UFL1: variants seen among roughly 807,000 people sequenced by gnomAD.
UFL1 encodes UFM1 specific ligase 1, also known as E3 UFM1-protein ligase 1.
In UFL1, 78 loss-of-function variants were observed where a neutral mutation model predicts 99.3. The ratio of observed to expected loss-of-function variants is 0.79; its 90% confidence interval spans 0.65 to 0.95. The LOEUF is 0.95. Among genes scored for constraint, UFL1 ranks in the 40% least tolerant of loss-of-function variants. The pLI is 0.00. For missense variants in UFL1, 936 were observed against 937.0 expected, an observed-to-expected ratio of 1.00 and a Z score of 0.01; for synonymous variants, 335 against 322.2, an observed-to-expected ratio of 1.04 and a Z score of -0.42.
intron 2 of UFL1, 94 bp from the exon 3 acceptor site, chr6:96,524,288 G>T: frequency 8.6e-7 from 1 of 1,162,490 alleles, no homozygotes. Context: ...TTCTATGCAG[G>T]ACTTTGACCA....
Position 96,521,844 on chromosome 6 carries a change from T to C in UFL1, c.-30T>C. The stretch of plus-strand genomic sequence containing the variant: ...GCCTGTCGGCTGACGTGTCTGCAGT[T>C]CCTCCGCGTCTACTGCGAGTCAGGC... On this transcript the variant is annotated 5_prime_UTR_variant, in exon 1 of 19. Coordinates refer to ENST00000369278, the MANE Select transcript of UFL1 (RefSeq NM_015323.5). 6.2e-7 allele frequency: 1 copy of C among 1,602,826 alleles called. No individual in the cohort carries two copies. The highest frequency in any genetic ancestry group is 8.5e-7 in the Non-Finnish European group (1 of 1,175,498).
At chr6:96,538,867 T>C in intron 10 of UFL1, 57 bp downstream of exon 10, 1 of 1,430,718 alleles carries the variant, frequency 7.0e-7, no homozygotes, top group Non-Finnish European at 9.4e-7. Flanking sequence ...TTTAGAATCA[T>C]CTGATGTCTT....
At chr6:96,522,026 C>T in intron 1 of UFL1, 76 bp downstream of exon 1, 4 of 1,485,116 alleles carry the variant, frequency 2.7e-6, no homozygotes, top group Non-Finnish European at 2.7e-6. Flanking sequence ...GGACTTTAGA[C>T]CCGCGGCCCT....
intron 11 of UFL1, among the ~76,000 whole-genome samples, chr6:96,541,804 ATTGT>A (rs1399928231): frequency 2.0e-5 from 3 of 151,248 alleles, no homozygotes; most frequent in African/African-American, 7.3e-5. Flanking sequence ...TTGTATTATA[ATTGT>A]TTAATTACAG....
intron 6 of UFL1, among the ~76,000 whole-genome samples, chr6:96,529,336 A>T (rs962747693): frequency 2.6e-5 from 4 of 152,116 alleles, no homozygotes; most frequent in Non-Finnish European, 4.4e-5. Flanking sequence ...GAACCCCTTT[A>T]TTCTATATCA....
At position 96,549,567 on chromosome 6, in the gene UFL1, A is replaced by C. The variant is rs1016757067; in HGVS notation, c.1676A>C (p.Lys559Thr). ...ATTAGGTTATTTGAAAAAGGGATGA[A>C]GTTTTTTGCAGGTATACTTAATCTT... ...NNIRLFEKGMKFFADDTQAAL... is the reference protein window; with the variant it reads ...NNIRLFEKGMTFFADDTQAAL... The change falls in exon 14 of 19, where the codon AAG becomes ACG. Residue 559 changes from lysine (K) to threonine (T), a missense_variant. Lys to Thr is a moderately conservative substitution (Grantham distance 78). Transcript: ENST00000369278. 3.1e-6 allele frequency: 5 copies of C among 1,594,974 alleles called. No individual in the cohort carries two copies. Among genetic ancestry groups the C allele is most frequent in the Non-Finnish European group, 4.3e-6 (5 of 1,172,908 alleles).
intron 12 of UFL1, among the ~76,000 whole-genome samples, chr6:96,544,485 C>T (rs1001186293): frequency 6.6e-6 from 1 of 150,692 alleles, no homozygotes; most frequent in Admixed American, 6.6e-5. Context: ...CGGGCTATAG[C>T]TGGAAGATGT....
intron 1 of UFL1, among the ~76,000 whole-genome samples, chr6:96,522,155 AG>A (rs1769623327): frequency 6.6e-6 from 1 of 152,050 alleles, no homozygotes; most frequent in Non-Finnish European, 1.5e-5. Context: ...GACGCCCTGG[AG>A]CCCCCCAGCC....
intron 6 of UFL1, among the ~76,000 whole-genome samples, chr6:96,529,968 A>T (rs1489744916): frequency 6.6e-6 from 1 of 152,130 alleles, no homozygotes; most frequent in Non-Finnish European, 1.5e-5. Context: ...TGTATTTCCT[A>T]TAGAAAGGGG....
At chr6:96,533,377 T>C (rs1769809760) in intron 6 of UFL1, among the ~76,000 whole-genome samples, 2 of 152,024 alleles carry the variant, frequency 1.3e-5, no homozygotes, top group South Asian at 4.1e-4. Flanking sequence ...GATGAGTATA[T>C]AAACAAAATG....
In UFL1 at chr6:96,525,319, A is replaced by G. The variant is rs1582436472; in HGVS notation, c.275A>G (p.His92Arg). The G allele has an allele frequency of 1.3e-5, 21 of 1,608,228 alleles. No individual in the cohort carries two copies. The highest frequency in any genetic ancestry group is 5.1e-5 in the Admixed American group (3 of 59,058). The change falls in exon 4 of 19, where the codon CAT becomes CGT. Residue 92 changes from histidine (H) to arginine (R), a missense_variant. His to Arg is a conservative substitution (Grantham distance 29). Transcript: ENST00000369278. The part of the protein sequence containing the change: ...LQQVINVDLI[H>R]IENRIGDIIK... ...CAGGTAATTAATGTGGACCTGATTC[A>G]TATTGAAAATAGAATTGGTGACATT...
At chr6:96,538,583 GTATTA>G in intron 9 of UFL1, 43 bp from the exon 10 acceptor site, 1 of 1,561,354 alleles carries the variant, frequency 6.4e-7, no homozygotes, top group Middle Eastern at 1.9e-4. Flanking sequence ...TGGTTTCACT[GTATTA>G]TATTGCATTT....
In UFL1 at chr6:96,521,887, G is replaced by A; in HGVS notation, c.14G>A (p.Trp5Ter). The stretch of plus-strand genomic sequence containing the variant: ...AGTCAGGCCGTGATGGCGGACGCCT[G>A]GGAAGAGATTAGGCGGTTGGCGGCC... The part of the protein sequence containing the change: MADA[W>*]EEIRRLAADF... Residue 5 changes from tryptophan to a stop codon, truncating the protein, a stop_gained, in exon 1 of 19, where the codon TGG becomes TAG. Coordinates refer to ENST00000369278, the MANE Select transcript of UFL1 (RefSeq NM_015323.5). LOFTEE classifies it high-confidence loss of function. The A allele has an allele frequency of 6.2e-7, 1 of 1,612,602 alleles. No homozygotes were observed. The highest frequency in any genetic ancestry group is 8.5e-7 in the Non-Finnish European group (1 of 1,179,620).
At chr6:96,550,700 A>G (rs530253539) in intron 15 of UFL1, among the ~76,000 whole-genome samples, 2 of 152,056 alleles carry the variant, frequency 1.3e-5, no homozygotes, top group Non-Finnish European at 2.9e-5. Flanking sequence ...GCAAATCCCC[A>G]GTTGTCTAGA....
At chr6:96,526,115 T>C (rs1769697809) in intron 4 of UFL1, among the ~76,000 whole-genome samples, 1 of 150,118 alleles carries the variant, frequency 6.7e-6, no homozygotes, top group Non-Finnish European at 1.5e-5. Context: ...AAAAAGAAAA[T>C]GTATTGTTTG....
At chr6:96,542,578 A>G (rs1362052103) in intron 11 of UFL1, among the ~76,000 whole-genome samples, 1 of 151,254 alleles carries the variant, frequency 6.6e-6, no homozygotes, top group Admixed American at 6.6e-5. Context: ...AGGTGAAGGA[A>G]TGGATTTTTG....
At chr6:96,531,479 C>A (rs1367363879) in intron 6 of UFL1, among the ~76,000 whole-genome samples, 1 of 152,068 alleles carries the variant, frequency 6.6e-6, no homozygotes, top group African/African-American at 2.4e-5. Flanking sequence ...ACTGGTTTCC[C>A]ATTGCTACTG....
At chr6:96,548,105 C>A in intron 12 of UFL1, 59 bp from the exon 13 acceptor site, 1 of 1,119,508 alleles carries the variant, frequency 8.9e-7, no homozygotes, top group South Asian at 1.5e-5. Flanking sequence ...CCCTATTTGC[C>A]ATTTGGTTGC....
intron 9 of UFL1, among the ~76,000 whole-genome samples, chr6:96,538,334 G>A (rs1191350915): frequency 6.6e-6 from 1 of 151,760 alleles, no homozygotes; most frequent in Admixed American, 6.6e-5. Context: ...TGGACTGTTT[G>A]TGACTTTGTG....
Sources: gnomAD v4.1 joint callset for allele counts (sites outside exome capture counted in the v4.1 genomes callset) on GRCh38, gnomAD v4.1.1 for gene constraint, MANE v1.5 for transcripts, NCBI Gene and HGNC (gene_info 2026-07-23, HGNC 2026-07-21) for gene names.